Variants in CCDC192 observed in about 807,000 individuals in gnomAD.
The protein encoded by CCDC192 is coiled-coil domain-containing protein 192.
chr5:127,738,823 C>T (rs1449562426), intron 2 of CCDC192, among the ~76,000 whole-genome samples: 3 of 152,136 alleles, frequency 2.0e-5, no homozygotes, highest in African/African-American at 7.2e-5. Context: ...ATTCTAGTTA[C>T]ACATTCTTCT....
chr5:127,769,952 G>C (rs1755453131), intron 3 of CCDC192, among the ~76,000 whole-genome samples: 1 of 152,160 alleles, frequency 6.6e-6, no homozygotes, highest in Admixed American at 6.5e-5. Flanking sequence ...AAAACGGAAA[G>C]AGGGAGGGAG....
chr5:127,884,342 C>CAAAAAAAAAAAAAAAAAAAAAA lies in CCDC192; in HGVS notation c.535+8687_535+8708dup, dbSNP rs778430655. Among the ~76,000 whole-genome samples the CAAAAAAAAAAAAAAAAAAAAAA allele has an allele frequency of 3.4e-4, 4 of 11,850 alleles. 1 individual carries two copies. Among genetic ancestry groups the CAAAAAAAAAAAAAAAAAAAAAA allele is most frequent in the Non-Finnish European group, 7.4e-4 (4 of 5,438 alleles). 7.8% of individuals were successfully genotyped at this position (11,850 alleles called of 152,430 possible). A position where few individuals can be genotyped will look rare whatever the true frequency, so the allele number is the denominator to read the frequency against. Reference sequence around the variant, plus strand: ...TGGGCGACAGAGCAAGACTCCGTCTCAAAAAAAAAAAAAAAAAAAAAAAAA... The same window carrying CAAAAAAAAAAAAAAAAAAAAAA: ...TGGGCGACAGAGCAAGACTCCGTCTCAAAAAAAAAAAAAAAAAAAAAAAAAAAAAAAAAAAAAAAAAAAAAAA... On this transcript the variant is annotated intron_variant, in intron 6 of 6. Transcript: ENST00000514853.
chr5:127,907,403 A>G (rs955860946), intron 6 of CCDC192, among the ~76,000 whole-genome samples: 2 of 152,196 alleles, frequency 1.3e-5, no homozygotes, highest in Non-Finnish European at 2.9e-5. Context: ...CATTGAAAAC[A>G]ATTTTGCATA....
At chr5:127,847,129 T>C (rs1014244923) in intron 5 of CCDC192, among the ~76,000 whole-genome samples, 1 of 152,240 alleles carries the variant, frequency 6.6e-6, no homozygotes, top group African/African-American at 2.4e-5. Flanking sequence ...GTTTGCACAA[T>C]CTAATCTCTT....
intron 2 of CCDC192, among the ~76,000 whole-genome samples, chr5:127,735,343 G>A (rs1752910826): frequency 2.0e-5 from 3 of 147,040 alleles, no homozygotes; most frequent in South Asian, 2.1e-4. Context: ...TTGTAGTATA[G>A]TTTGAAGTCA....
At chr5:127,904,594 C>G (rs1483142184) in intron 6 of CCDC192, among the ~76,000 whole-genome samples, 4 of 150,858 alleles carry the variant, frequency 2.7e-5, no homozygotes, top group Non-Finnish European at 5.9e-5. Flanking sequence ...CCTCCACCTC[C>G]TGGGTTCAAG....
At chr5:127,772,356 G>C (rs1445137666) in intron 3 of CCDC192, among the ~76,000 whole-genome samples, 1 of 151,860 alleles carries the variant, frequency 6.6e-6, no homozygotes, top group Non-Finnish European at 1.5e-5. Context: ...CTACTCTGGA[G>C]GCTGGAGCAG....
chr5:127,721,500 G>A (rs552430056), intron 2 of CCDC192, among the ~76,000 whole-genome samples: 32 of 152,148 alleles, frequency 2.1e-4, no homozygotes, highest in Non-Finnish European at 4.3e-4. Context: ...CATTCAAGAA[G>A]TCTCTAGGAG....
chr5:127,845,458 A>C (rs888851865), intron 5 of CCDC192, among the ~76,000 whole-genome samples: 4 of 152,236 alleles, frequency 2.6e-5, no homozygotes, highest in African/African-American at 9.6e-5. Flanking sequence ...TAGGACGAGG[A>C]AACCACATGG....
chr5:127,807,492 G>T (rs73783977), intron 5 of CCDC192, among the ~76,000 whole-genome samples: 13 of 152,000 alleles, frequency 8.6e-5, no homozygotes, highest in African/African-American at 2.9e-4. Flanking sequence ...AAGCTTCTTG[G>T]GGGTAGAGCC....
At chr5:127,755,250 AGGT>A (rs1420588661) in intron 3 of CCDC192, among the ~76,000 whole-genome samples, 4 of 152,190 alleles carry the variant, frequency 2.6e-5, no homozygotes, top group Non-Finnish European at 5.9e-5. Context: ...AAGAATTTTA[AGGT>A]ACTTTTAATA....
At chr5:127,864,222 C>T (rs563103709) in intron 5 of CCDC192, among the ~76,000 whole-genome samples, 160 of 152,296 alleles carry the variant, frequency 1.1e-3, no homozygotes, top group African/African-American at 3.6e-3. Flanking sequence ...ATTGGGAAAT[C>T]CTCAAACTCC....
intron 5 of CCDC192, among the ~76,000 whole-genome samples, chr5:127,859,539 T>G (rs1751266630): frequency 1.3e-5 from 1 of 77,822 alleles, no homozygotes; most frequent in Admixed American, 1.2e-4. Flanking sequence ...GATGTTCATT[T>G]TAAAGGTTTT....
At chr5:127,824,127 A>G (rs1221689584) in intron 5 of CCDC192, among the ~76,000 whole-genome samples, 1 of 152,224 alleles carries the variant, frequency 6.6e-6, no homozygotes, top group African/African-American at 2.4e-5. Context: ...AAAGGAGCCT[A>G]TCTTCAAGGA....
rs185362116 is a variant in CCDC192, at chr5:127,888,373, G to A, written c.535+12712G>A. Among the ~76,000 whole-genome samples the A allele has an allele frequency of 5.3e-4, 81 of 151,750 alleles. No homozygotes were observed. In the East Asian group the frequency reaches 0.013, roughly 24 times the overall value. On this transcript the variant is annotated intron_variant, in intron 6 of 6. Transcript: ENST00000514853. ...AGTGGTTGCAATGAGCCGAGATTGC[G>A]CCACTGCACTCCAGCCTTGACAACA... is the stretch of plus-strand genomic sequence containing the variant.
At chr5:127,742,630 C>T (rs1203911274) in intron 2 of CCDC192, among the ~76,000 whole-genome samples, 2 of 152,126 alleles carry the variant, frequency 1.3e-5, no homozygotes, top group Non-Finnish European at 2.9e-5. Context: ...AGAATTTTCA[C>T]ACCCAAAATA....
intron 5 of CCDC192, among the ~76,000 whole-genome samples, chr5:127,817,167 C>T (rs1749062948): frequency 6.6e-6 from 1 of 152,086 alleles, no homozygotes. Context: ...GGTACAGTGC[C>T]TTGGAGGAAA....
At chr5:127,857,885 T>C (rs1007997394) in intron 5 of CCDC192, 1 of 152,228 alleles carries the variant, frequency 6.6e-6, no homozygotes, top group Non-Finnish European at 1.5e-5. Context: ...CAACGGATTA[T>C]AAATGTTAAT....
chr5:127,787,092 C>A, intron 3 of CCDC192: 1 of 246,042 alleles, frequency 4.1e-6, no homozygotes, highest in South Asian at 6.8e-5. Flanking sequence ...ATTCAAAGTT[C>A]AGCTAGTTCT....
Sources: allele counts gnomAD v4.1 joint callset (sites outside exome capture counted in the v4.1 genomes callset), GRCh38; gene constraint gnomAD v4.1.1; transcripts MANE v1.5; gene names NCBI Gene and HGNC (gene_info 2026-07-23, HGNC 2026-07-21).